SPAG16: variants seen among roughly 807,000 people sequenced by gnomAD.
SPAG16 encodes the protein sperm associated antigen 16, also known as sperm-associated antigen 16 protein.
In SPAG16, 86 loss-of-function variants were observed where a neutral mutation model predicts 80.4. The ratio of observed to expected loss-of-function variants is 1.07; its 90% CI spans 0.90 to 1.28. SPAG16 has a LOEUF of 1.28. Ranked by LOEUF, SPAG16 falls within the 50% of genes most tolerant of loss-of-function variation. The probability of loss-of-function intolerance (pLI) is 0.00; values close to 1 mark genes in which losing one functional copy is unlikely to be tolerated. For synonymous variants in SPAG16, 294 were observed against 265.9 expected (o/e 1.11, Z -1.03); for missense variants, 870 against 765.3 (o/e 1.14, Z -1.61).
chr2:213,516,548 C>G (rs958422133), intron 10 of SPAG16, among the ~76,000 whole-genome samples: 8 of 152,086 alleles, frequency 5.3e-5, no homozygotes, highest in Non-Finnish European at 1.5e-5. Flanking sequence ...TTATTTTCTC[C>G]TTCATTCCAG....
chr2:213,361,789 C>CCACACACACACACACACACACA (rs10585217), intron 7 of SPAG16, among the ~76,000 whole-genome samples: 1 of 140,002 alleles, frequency 7.1e-6, no homozygotes, highest in East Asian at 2.1e-4. Flanking sequence ...ACTGATAATG[C>CCACACACACACACACACACACA]CACACACACA....
At chr2:213,679,029 C>T (rs1164994035) in intron 10 of SPAG16, among the ~76,000 whole-genome samples, 2 of 152,152 alleles carry the variant, frequency 1.3e-5, no homozygotes, top group Non-Finnish European at 2.9e-5. Context: ...GTTCCCACCT[C>T]TCAGGCATGC....
chr2:214,177,000 G>C (rs1262944784), intron 15 of SPAG16, among the ~76,000 whole-genome samples: 1 of 150,470 alleles, frequency 6.6e-6, no homozygotes, highest in Non-Finnish European at 1.5e-5. Flanking sequence ...TTATAATTGG[G>C]GAAAAACCCT....
chr2:213,684,919 A>T (rs144768458), intron 10 of SPAG16, among the ~76,000 whole-genome samples: 2 of 152,226 alleles, frequency 1.3e-5, no homozygotes, highest in African/African-American at 2.4e-5. Context: ...TTGCAGCTCT[A>T]CATGTGCTAT....
chr2:213,559,857 T>C (rs180956848), intron 10 of SPAG16, among the ~76,000 whole-genome samples: 1 of 152,224 alleles, frequency 6.6e-6, no homozygotes, highest in African/African-American at 2.4e-5. Context: ...ACATTACTTT[T>C]AATGATTGAC....
intron 10 of SPAG16, among the ~76,000 whole-genome samples, chr2:213,806,483 GAATTA>G (rs1399442761): frequency 1.3e-5 from 2 of 152,040 alleles, no homozygotes; most frequent in African/African-American, 4.8e-5. Context: ...TGAGATTTTG[GAATTA>G]AATTAATCAT....
In SPAG16 at chr2:214,268,895, A is replaced by AT. The variant is rs1327621407; in HGVS notation, c.1720+119635dup. ...CTTTTCCCTATGCTATTCGGCAGTA[A>AT]TTTTTTGAAAGTCAGAGATGGCTGC... On this transcript the variant is annotated intron_variant, in intron 15 of 15. Coordinates refer to ENST00000331683, the MANE Select transcript of SPAG16 (RefSeq NM_024532.5). Among the ~76,000 whole-genome samples, 3 of 151,988 alleles carry AT rather than the reference A, an allele frequency of 2.0e-5. No individual in the cohort carries two copies. In the East Asian group the frequency reaches 5.8e-4, roughly 29 times the overall value.
In SPAG16 at chr2:213,753,169, C is replaced by T. The variant is rs576255727; in HGVS notation, c.1071-109316C>T. ...CTGGGACTACAGGTGCCCGTCACCA[C>T]GCCCGGCTAATTTTTTGTATTTTTA... On this transcript the variant is annotated intron_variant, in intron 10 of 15. Transcript: ENST00000331683. Among the ~76,000 whole-genome samples, 18 of 152,184 alleles carry T rather than the reference C, an allele frequency of 1.2e-4. No homozygotes were observed. The East Asian group carries it at 2.1e-3, about 18-fold the overall frequency.
At chr2:214,037,864 GGTGTGTGTGTGTGTGTGTGTGTGT>G (rs35564156) in intron 13 of SPAG16, among the ~76,000 whole-genome samples, 27 of 133,706 alleles carry the variant, frequency 2.0e-4, no homozygotes, top group African/African-American at 7.1e-4. Context: ...CCAGAAGCCT[GGTGTGTGTGTGTGTGTGTGTGTGT>G]GTGTGTGTGT....
At chr2:213,591,100 G>T (rs1447551992) in intron 10 of SPAG16, among the ~76,000 whole-genome samples, 1 of 152,166 alleles carries the variant, frequency 6.6e-6, no homozygotes, top group African/African-American at 2.4e-5. Context: ...GGGTACACAT[G>T]AACATAATTG....
chr2:214,152,843 G>A (rs1360346261), intron 15 of SPAG16, among the ~76,000 whole-genome samples: 1 of 151,966 alleles, frequency 6.6e-6, no homozygotes, highest in Non-Finnish European at 1.5e-5. Context: ...AGAGGAGACA[G>A]AGAGAAAGAC....
At chr2:214,033,080 T>C (rs2048503121) in intron 13 of SPAG16, among the ~76,000 whole-genome samples, 1 of 152,162 alleles carries the variant, frequency 6.6e-6, no homozygotes, top group Non-Finnish European at 1.5e-5. Context: ...CCTGCAATTA[T>C]TGGAAACATG....
At chr2:214,392,301 A>T (rs918108045) in intron 15 of SPAG16, among the ~76,000 whole-genome samples, 1 of 152,086 alleles carries the variant, frequency 6.6e-6, no homozygotes, top group Non-Finnish European at 1.5e-5. Context: ...GACTACAGGC[A>T]CCAGCCACCA....
intron 10 of SPAG16, among the ~76,000 whole-genome samples, chr2:213,662,852 G>A (rs1030647922): frequency 1.3e-5 from 2 of 151,978 alleles, no homozygotes; most frequent in Non-Finnish European, 2.9e-5. Context: ...TAAAGTATTT[G>A]TATTTGACAA....
At chr2:214,016,120 G>T (rs1451449839) in intron 13 of SPAG16, among the ~76,000 whole-genome samples, 1 of 152,194 alleles carries the variant, frequency 6.6e-6, no homozygotes, top group African/African-American at 2.4e-5. Context: ...ATTACTGGTA[G>T]GTTCAAGAGT....
chr2:214,182,333 C>T (rs1576438807), intron 15 of SPAG16, among the ~76,000 whole-genome samples: 1 of 151,654 alleles, frequency 6.6e-6, no homozygotes, highest in African/African-American at 2.4e-5. Context: ...ACCAATGCCT[C>T]CAGTAGTACA....
chr2:213,385,199 G>C (rs2067364336), intron 9 of SPAG16, among the ~76,000 whole-genome samples: 1 of 152,078 alleles, frequency 6.6e-6, no homozygotes, highest in African/African-American at 2.4e-5. Flanking sequence ...ACTCTCACAG[G>C]CTCACTTCTC....
intron 15 of SPAG16, among the ~76,000 whole-genome samples, chr2:214,350,840 T>G (rs1052787698): frequency 1.3e-5 from 2 of 152,148 alleles, no homozygotes; most frequent in Non-Finnish European, 2.9e-5. Flanking sequence ...ATAGGAGATC[T>G]CTAAACAGGA....
intron 15 of SPAG16, among the ~76,000 whole-genome samples, chr2:214,265,485 G>T (rs544551137): frequency 1.3e-5 from 2 of 151,882 alleles, no homozygotes; most frequent in African/African-American, 4.8e-5. Flanking sequence ...TTCAAAGTTT[G>T]TTGTACATTT....
Sources: allele counts gnomAD v4.1 joint callset (sites outside exome capture counted in the v4.1 genomes callset), GRCh38; gene constraint gnomAD v4.1.1; transcripts MANE v1.5; gene names NCBI Gene and HGNC (gene_info 2026-07-23, HGNC 2026-07-21).